Variants in ENTREP3 observed in about 807,000 individuals in gnomAD.
The protein encoded by ENTREP3 is protein ENTREP3.
the ENTREP3 span, chr1:155,248,183 G>A: frequency 5.6e-6 from 9 of 1,611,152 alleles, no homozygotes; most frequent in South Asian, 3.3e-5. Flanking sequence ...TGCAGGGCCC[G>A]AGGGCAGGGG....
chr1:155,251,402 T>G, the ENTREP3 span: 3 of 880,508 alleles, frequency 3.4e-6, no homozygotes, highest in Non-Finnish European at 5.4e-6. Context: ...GTAAAGACCT[T>G]GACCACTGTT....
the ENTREP3 span, chr1:155,251,085 C>T: frequency 6.2e-7 from 1 of 1,610,832 alleles, no homozygotes; most frequent in Non-Finnish European, 8.5e-7. Context: ...CCTCATTACG[C>T]CCTGCTCACC....
the ENTREP3 span, chr1:155,250,909 T>A: frequency 7.3e-7 from 1 of 1,376,764 alleles, no homozygotes; most frequent in Non-Finnish European, 9.8e-7. This position sits in a 1 kb window ranked among gnomAD's most constrained non-coding sequence, Gnocchi z 5.4. Context: ...GCCCAGCCTC[T>A]AGGGGCCACT....
the ENTREP3 span, chr1:155,252,722 A>ATAT: frequency 9.8e-4 from 13 of 13,216 alleles, no homozygotes; most frequent in Non-Finnish European, 1.3e-3. Context: ...ATATATATAT[A>ATAT]TTTTTTTTTT....
At chr1:155,250,931 T>G in the ENTREP3 span, 2 of 1,298,506 alleles carry the variant, frequency 1.5e-6, no homozygotes, top group South Asian at 2.9e-5. The surrounding 1 kb of genome is among the most constrained non-coding windows in gnomAD (Gnocchi z 5.4). Flanking sequence ...TGCCTCCAGC[T>G]TTATCTCAGA....
chr1:155,252,087 C>G, the ENTREP3 span: 21 of 480,114 alleles, frequency 4.4e-5, no homozygotes, highest in African/African-American at 1.0e-4. Flanking sequence ...CCCTGTACCT[C>G]TAGCTCTGGC....
At chr1:155,252,880 C>G in the ENTREP3 span, 1 of 149,476 alleles carries the variant, frequency 6.7e-6, no homozygotes, top group Non-Finnish European at 1.5e-5. Flanking sequence ...TACAGGCACC[C>G]GCCACCACAC....
At chr1:155,253,930 A>G in the ENTREP3 span, 1 of 1,612,562 alleles carries the variant, frequency 6.2e-7, no homozygotes, top group South Asian at 1.1e-5. Context: ...GACTCTGGAC[A>G]GGGCCGGAGG....
At chr1:155,254,353 C>A in the ENTREP3 span, 35 of 1,599,966 alleles carry the variant, frequency 2.2e-5, no homozygotes, top group East Asian at 7.6e-4. This position sits in a 1 kb window ranked among gnomAD's most constrained non-coding sequence, Gnocchi z 4.4. Flanking sequence ...CTTCCCCTTG[C>A]GTGCTGGGCA....
chr1:155,250,815 A>C, the ENTREP3 span: 2 of 1,602,594 alleles, frequency 1.2e-6, no homozygotes, highest in Admixed American at 1.7e-5. The surrounding 1 kb of genome is among the most constrained non-coding windows in gnomAD (Gnocchi z 5.4). Flanking sequence ...CCCGCTGTCC[A>C]TGGACACTGT....
the ENTREP3 span, chr1:155,251,311 T>A: frequency 1.3e-6 from 1 of 763,476 alleles, no homozygotes. Flanking sequence ...CACGTCTGTA[T>A]GGCAGAAATG....
chr1:155,248,637 G>A, the ENTREP3 span, among the ~76,000 whole-genome samples: 4 of 148,766 alleles, frequency 2.7e-5, no homozygotes, highest in Non-Finnish European at 4.5e-5. Context: ...CAACTAGATG[G>A]TACAATCCAC....
the ENTREP3 span, chr1:155,253,991 G>T: frequency 6.2e-7 from 1 of 1,612,772 alleles, no homozygotes; most frequent in South Asian, 1.1e-5. Context: ...GAGTGGAGCA[G>T]GGAGGGTGAG....
the ENTREP3 span, among the ~76,000 whole-genome samples, chr1:155,249,777 T>G: frequency 2.0e-5 from 3 of 151,060 alleles, no homozygotes; most frequent in African/African-American, 7.3e-5. Flanking sequence ...TACTCACTAC[T>G]CGGGAGGCTG....
At chr1:155,247,370 G>A in the ENTREP3 span, 17 of 485,962 alleles carry the variant, frequency 3.5e-5, no homozygotes, top group Non-Finnish European at 6.5e-5. Context: ...AGGCCACCTA[G>A]ATTTTTTGGA....
the ENTREP3 span, among the ~76,000 whole-genome samples, chr1:155,250,099 A>G: frequency 6.6e-6 from 1 of 151,964 alleles, no homozygotes; most frequent in Admixed American, 6.6e-5. The surrounding 1 kb of genome is among the most constrained non-coding windows in gnomAD (Gnocchi z 5.4). Flanking sequence ...CTGCTAAGCT[A>G]TGGATGTTCT....
chr1:155,254,548 A>G, the ENTREP3 span: 2 of 1,570,336 alleles, frequency 1.3e-6, no homozygotes, highest in South Asian at 2.2e-5. The surrounding 1 kb of genome is among the most constrained non-coding windows in gnomAD (Gnocchi z 4.4). Context: ...GTAAGGAGGC[A>G]GAGGACCAGG....
the ENTREP3 span, chr1:155,254,656 G>A: frequency 6.2e-7 from 1 of 1,607,220 alleles, no homozygotes; most frequent in Admixed American, 1.7e-5. This position sits in a 1 kb window ranked among gnomAD's most constrained non-coding sequence, Gnocchi z 4.4. Context: ...AACTCACCGA[G>A]AACCCAGCCC....
chr1:155,248,610 CTGTCCATAT>C, the ENTREP3 span: 1 of 713,294 alleles, frequency 1.4e-6, no homozygotes, highest in African/African-American at 1.8e-5. Context: ...GCCAGCATCT[CTGTCCATAT>C]TAGCCAGCAA....
Sources: gnomAD v4.1 joint callset for allele counts (sites outside exome capture counted in the v4.1 genomes callset) on GRCh38, gnomAD v4.1.1 for gene constraint, Gnocchi (gnomAD v3.1) non-coding constraint, MANE v1.5 for transcripts, NCBI Gene and HGNC (gene_info 2026-07-23, HGNC 2026-07-21) for gene names.